The following DLGAP2 variants were observed in gnomAD, a reference collection of about 807,000 sequenced individuals.
DLGAP2 encodes disks large-associated protein 2.
In DLGAP2, 26 loss-of-function variants were observed where a neutral mutation model predicts 100.3. The observed-to-expected ratio is 0.26, with a 90% CI of 0.19 to 0.36. The LOEUF is 0.36. Ranked by LOEUF, DLGAP2 falls within the 10% of genes least tolerant of loss-of-function variation. DLGAP2 has a pLI of 1.00. For missense variants in DLGAP2, 1,858 were observed against 1,453.2 expected, an observed-to-expected ratio of 1.28 and a Z score of -4.53; for synonymous variants, 886 against 630.1, an observed-to-expected ratio of 1.41 and a Z score of -6.08.
chr8:1,437,928 G>A lies in DLGAP2; in HGVS notation c.107-63438G>A, dbSNP rs144548251. Among the ~76,000 whole-genome samples, 3 of 151,984 alleles carry A rather than the reference G, an allele frequency of 2.0e-5. No homozygotes were observed. The East Asian group carries it at 5.8e-4, about 29-fold the overall frequency. ...TTGAACCCTGGAGATGGAGGTTGCA[G>A]TGAACCGAGATTGCACCACTGCACT... is the stretch of plus-strand genomic sequence containing the variant. On this transcript the variant is annotated intron_variant, in intron 3 of 14. Coordinates refer to ENST00000637795, the MANE Select transcript of DLGAP2 (RefSeq NM_001346810.2).
intron 2 of DLGAP2, chr8:1,032,564 T>G (rs190047151): frequency 2.6e-5 from 4 of 152,390 alleles, no homozygotes; most frequent in Non-Finnish European, 5.9e-5. Context: ...TTAAACATTT[T>G]CTGGTCTGTT....
chr8:1,386,996 A>G (rs1488353831), intron 3 of DLGAP2, among the ~76,000 whole-genome samples: 2 of 152,234 alleles, frequency 1.3e-5, no homozygotes, highest in Non-Finnish European at 2.9e-5. Flanking sequence ...ATGTTTACCT[A>G]AAAATAAATT....
rs576921507 is a variant in DLGAP2 at position 875,850 on chromosome 8, A to G, written c.19-32062A>G. Among the ~76,000 whole-genome samples the G allele has an allele frequency of 1.3e-4, 20 of 152,314 alleles. 1 individual carries two copies. The highest frequency in any genetic ancestry group is 3.4e-3 in the Middle Eastern group (1 of 294). On this transcript the variant is annotated intron_variant, in intron 1 of 14. Transcript: ENST00000637795. The stretch of plus-strand genomic sequence containing the variant: ...CCCATATATGTTTTAGCTTATTAAA[A>G]TCAGTTTCAGACTTATGCTGGCATA...
At chr8:1,426,201 C>T (rs1361206804) in intron 3 of DLGAP2, among the ~76,000 whole-genome samples, 1 of 152,140 alleles carries the variant, frequency 6.6e-6, no homozygotes, top group Non-Finnish European at 1.5e-5. Flanking sequence ...CACCCAATAC[C>T]CACATCAGCA....
chr8:1,333,667 A>T (rs1801208433), intron 3 of DLGAP2, among the ~76,000 whole-genome samples: 1 of 152,110 alleles, frequency 6.6e-6, no homozygotes, highest in South Asian at 2.1e-4. Flanking sequence ...TGCCGATGTA[A>T]CCGCGGGCTC....
At chr8:780,132 G>T (rs905351664) in intron 1 of DLGAP2, among the ~76,000 whole-genome samples, 4 of 152,084 alleles carry the variant, frequency 2.6e-5, no homozygotes, top group African/African-American at 7.2e-5. Flanking sequence ...ACCTACATCT[G>T]CCCTTTCCTC....
chr8:1,559,178 G>T (rs545020733), intron 5 of DLGAP2, among the ~76,000 whole-genome samples: 2 of 152,324 alleles, frequency 1.3e-5, no homozygotes, highest in African/African-American at 4.8e-5. Context: ...TAGGTACAAG[G>T]AGGTAATTAG....
chr8:904,994 G>A (rs775607662), intron 1 of DLGAP2, among the ~76,000 whole-genome samples: 1 of 152,224 alleles, frequency 6.6e-6, no homozygotes, highest in Non-Finnish European at 1.5e-5. Context: ...GCCTTCCAGA[G>A]GCCGTGGCTG....
Position 1,087,700 on chromosome 8 carries a change from T to A in DLGAP2, c.74-171151T>A, listed in dbSNP as rs543513108. Among the ~76,000 whole-genome samples, 5 of 152,342 alleles carry A rather than the reference T, an allele frequency of 3.3e-5. No individual in the cohort carries two copies. The South Asian group carries it at 1.0e-3, about 32-fold the overall frequency. The stretch of plus-strand genomic sequence containing the variant: ...ATGGTAGTCTTGATGCATCTCCAAA[T>A]TGTCAGAGCCTCCTTCCAAAATCTA... On this transcript the variant is annotated intron_variant, in intron 2 of 14. Transcript: ENST00000637795.
At chr8:1,108,742 A>T (rs55932699) in intron 2 of DLGAP2, among the ~76,000 whole-genome samples, 9 of 118,364 alleles carry the variant, frequency 7.6e-5, no homozygotes, top group African/African-American at 3.1e-4. Flanking sequence ...CGTGCCTATG[A>T]AGTGTGCTGG....
intron 3 of DLGAP2, among the ~76,000 whole-genome samples, chr8:1,424,439 A>G (rs1797183923): frequency 6.6e-6 from 1 of 152,246 alleles, no homozygotes; most frequent in Admixed American, 6.5e-5. Context: ...GAAATAATAA[A>G]ATGAAAATGT....
chr8:1,450,574 G>A (rs1040145849), intron 3 of DLGAP2, among the ~76,000 whole-genome samples: 1 of 152,164 alleles, frequency 6.6e-6, no homozygotes, highest in Non-Finnish European at 1.5e-5. Flanking sequence ...TCGCCTTTCT[G>A]TGAACCATGG....
intron 3 of DLGAP2, among the ~76,000 whole-genome samples, chr8:1,323,032 ATT>A (rs368233603): frequency 7.7e-5 from 11 of 142,388 alleles, no homozygotes; most frequent in South Asian, 2.3e-4. Context: ...TAAACTCACA[ATT>A]TTTTTTTTTT....
At chr8:1,515,474 G>C (rs556021143) in intron 4 of DLGAP2, among the ~76,000 whole-genome samples, 3 of 151,784 alleles carry the variant, frequency 2.0e-5, no homozygotes, top group African/African-American at 7.3e-5. Flanking sequence ...TTGTAGACAT[G>C]CAAAAATATG....
intron 2 of DLGAP2, among the ~76,000 whole-genome samples, chr8:931,819 A>G (rs1422908351): frequency 4.6e-5 from 7 of 151,988 alleles, no homozygotes; most frequent in Admixed American, 3.9e-4. Context: ...CTTGATCTTC[A>G]TTTTTTGGAC....
intron 4 of DLGAP2, among the ~76,000 whole-genome samples, chr8:1,510,179 G>T (rs2130367795): frequency 6.6e-6 from 1 of 152,318 alleles, no homozygotes; most frequent in South Asian, 2.1e-4. Flanking sequence ...TTTGTCCCTG[G>T]GAGGTATTTG....
chr8:944,241 G>C (rs570071250), intron 2 of DLGAP2, among the ~76,000 whole-genome samples: 1 of 151,858 alleles, frequency 6.6e-6, no homozygotes, highest in South Asian at 2.1e-4. Flanking sequence ...GGGTGATCCA[G>C]TGGGTGGTAA....
At chr8:1,456,895 G>C (rs186975435) in intron 3 of DLGAP2, among the ~76,000 whole-genome samples, 2 of 119,232 alleles carry the variant, frequency 1.7e-5, no homozygotes, top group South Asian at 5.7e-4. Flanking sequence ...CTGTGATGCC[G>C]ATGAGCCCGG....
At chr8:1,184,228 G>T (rs1797451734) in intron 2 of DLGAP2, among the ~76,000 whole-genome samples, 1 of 152,190 alleles carries the variant, frequency 6.6e-6, no homozygotes, top group South Asian at 2.1e-4. Flanking sequence ...AATTTAAGTT[G>T]CACTAAAGAG....
Sources: allele counts gnomAD v4.1 joint callset (sites outside exome capture counted in the v4.1 genomes callset), GRCh38; gene constraint gnomAD v4.1.1; transcripts MANE v1.5; gene names NCBI Gene and HGNC (gene_info 2026-07-23, HGNC 2026-07-21).